The following STK3 variants were observed in gnomAD, a reference collection of about 807,000 sequenced individuals.
STK3 encodes the protein serine/threonine-protein kinase 3.
STK3 carries 41 observed loss-of-function variants against 58.0 expected under a neutral mutation model. The observed-to-expected ratio is 0.71, with a 90% CI of 0.55 to 0.92. STK3 has a LOEUF of 0.92. Ranked by LOEUF, STK3 falls within the 40% of genes least tolerant of loss-of-function variation. STK3 has a pLI of 0.00. For missense variants in STK3, 479 were observed against 602.7 expected (o/e 0.79, Z 2.15); for synonymous variants, 170 against 191.0 (o/e 0.89, Z 0.91).
intron 3 of STK3, among the ~76,000 whole-genome samples, chr8:98,421,047 C>T (rs1397478405): frequency 6.6e-6 from 1 of 152,210 alleles, no homozygotes; most frequent in African/African-American, 2.4e-5. Context: ...CTGCCATCTT[C>T]ATCTTCCGTA....
intron 1 of STK3, among the ~76,000 whole-genome samples, chr8:98,779,957 G>A (rs1239217249): frequency 1.2e-5 from 1 of 81,466 alleles, no homozygotes; most frequent in African/African-American, 5.7e-5. Context: ...TCATGTGCTA[G>A]TATATATGTG....
At chr8:98,579,018 G>A (rs1024283127) in intron 8 of STK3, among the ~76,000 whole-genome samples, 8 of 152,058 alleles carry the variant, frequency 5.3e-5, no homozygotes, top group African/African-American at 1.9e-4. Flanking sequence ...AGGCATGGTA[G>A]TGTGCGCCTG....
intron 1 of STK3, among the ~76,000 whole-genome samples, chr8:98,931,591 T>C (rs908043810): frequency 1.3e-5 from 2 of 152,182 alleles, no homozygotes; most frequent in Non-Finnish European, 2.9e-5. Context: ...ATGGTTGTAA[T>C]GAGGTAACAG....
At chr8:98,773,899 C>T (rs1035421274) in intron 2 of STK3, among the ~76,000 whole-genome samples, 1 of 151,970 alleles carries the variant, frequency 6.6e-6, no homozygotes, top group Non-Finnish European at 1.5e-5. Flanking sequence ...CGGGTTCAAG[C>T]GATTCTCCTG....
chr8:98,476,985 C>G (rs776783517), intron 10 of STK3, among the ~76,000 whole-genome samples: 6 of 152,184 alleles, frequency 3.9e-5, no homozygotes, highest in Non-Finnish European at 8.8e-5. Context: ...TTCATAAAAG[C>G]AGGAAATGAA....
upstream of STK3, among the ~76,000 whole-genome samples, chr8:98,826,062 C>T (rs1015330720): frequency 2.6e-5 from 4 of 152,146 alleles, no homozygotes; most frequent in Non-Finnish European, 4.4e-5. Flanking sequence ...GAGAAGGTTC[C>T]GCTAGAGCTA....
intron 4 of STK3, among the ~76,000 whole-genome samples, chr8:98,714,977 G>T (rs540944624): frequency 5.3e-5 from 8 of 151,980 alleles, no homozygotes; most frequent in Admixed American, 4.6e-4. Flanking sequence ...AAATAATGCC[G>T]CATATCTACA....
intron 2 of STK3, among the ~76,000 whole-genome samples, chr8:98,375,553 T>C (rs1034059478): frequency 6.6e-6 from 1 of 152,252 alleles, no homozygotes; most frequent in Non-Finnish European, 1.5e-5. Flanking sequence ...CCTTCCTTTA[T>C]AGTCACTGCT....
intron 6 of STK3, among the ~76,000 whole-genome samples, chr8:98,674,091 T>C (rs559638520): frequency 1.3e-5 from 2 of 152,158 alleles, no homozygotes; most frequent in African/African-American, 2.4e-5. Context: ...AAAATACATA[T>C]GAAAAATGGA....
At chr8:98,345,665 A>C in the STK3 span, among the ~76,000 whole-genome samples, 198 of 152,190 alleles carry the variant, frequency 1.3e-3, 2 homozygotes, top group African/African-American at 4.3e-3. Context: ...AGGCAGGAAA[A>C]CACAACCTAT....
At chr8:98,531,603 C>T (rs1042176236) in intron 9 of STK3, among the ~76,000 whole-genome samples, 2 of 152,152 alleles carry the variant, frequency 1.3e-5, no homozygotes, top group Admixed American at 6.6e-5. Flanking sequence ...CCACCACCAG[C>T]CTGTCCTTTG....
intron 6 of STK3, among the ~76,000 whole-genome samples, chr8:98,653,887 C>T (rs1177091597): frequency 6.6e-6 from 1 of 152,170 alleles, no homozygotes; most frequent in Non-Finnish European, 1.5e-5. Context: ...GATTCACAGC[C>T]TAATTCTACC....
intron 7 of STK3, among the ~76,000 whole-genome samples, chr8:98,590,729 G>A (rs1275726083): frequency 1.3e-5 from 2 of 152,140 alleles, no homozygotes; most frequent in African/African-American, 4.8e-5. Flanking sequence ...TTTTATGTAA[G>A]TTTGTAAGTT....
chr8:98,766,467 T>C lies in STK3; in HGVS notation c.236+776A>G, dbSNP rs144936653. Among the ~76,000 whole-genome samples, 1,325 of 152,308 alleles carry C rather than the reference T, an allele frequency of 8.7e-3. 10 individuals are homozygous for C. Among genetic ancestry groups the C allele is most frequent in the African/African-American group, 0.03 (1,246 of 41,562 alleles). On this transcript the variant is annotated intron_variant, in intron 3 of 10. Coordinates refer to ENST00000419617, the MANE Select transcript of STK3 (RefSeq NM_006281.4). Reference sequence around the variant, plus strand: ...ATTTGTCCTAAAAAAGTCCAGGCTATAGTGCAGTGCTGCAATCATAGCTAA... The same window carrying C: ...ATTTGTCCTAAAAAAGTCCAGGCTACAGTGCAGTGCTGCAATCATAGCTAA...
chr8:98,936,315 A>G (rs2132051917), intron 1 of STK3, among the ~76,000 whole-genome samples: 1 of 152,258 alleles, frequency 6.6e-6, no homozygotes, highest in African/African-American at 2.4e-5. Context: ...TAATAGAGCT[A>G]TTAACTAGGG....
chr8:98,665,308 C>T (rs1188477677), intron 6 of STK3, among the ~76,000 whole-genome samples: 1 of 152,160 alleles, frequency 6.6e-6, no homozygotes, highest in Non-Finnish European at 1.5e-5. Context: ...ACTATTGATC[C>T]TATGAAGCAG....
chr8:98,456,143 C>G (rs1384537448), intron 10 of STK3, 143 bp from the exon 11 acceptor site: 3 of 903,804 alleles, frequency 3.3e-6, no homozygotes, highest in African/African-American at 1.7e-5. Flanking sequence ...AAGTATAGTT[C>G]AACAATTAAA....
chr8:98,637,984 A>G (rs1386257591), intron 6 of STK3, among the ~76,000 whole-genome samples: 1 of 152,168 alleles, frequency 6.6e-6, no homozygotes, highest in Non-Finnish European at 1.5e-5. Flanking sequence ...ATGTAAAGAA[A>G]TCTGTTTTAC....
intron 4 of STK3, among the ~76,000 whole-genome samples, chr8:98,711,340 C>T (rs1826416477): frequency 6.6e-6 from 1 of 151,818 alleles, no homozygotes. Flanking sequence ...CTACTCCGAG[C>T]TAAAGGAGAA....
Sources: gnomAD v4.1 joint callset for allele counts (sites outside exome capture counted in the v4.1 genomes callset) on GRCh38, gnomAD v4.1.1 for gene constraint, MANE v1.5 for transcripts, NCBI Gene and HGNC (gene_info 2026-07-23, HGNC 2026-07-21) for gene names.